The following TRAF2 variants were observed in gnomAD, a reference collection of about 807,000 sequenced individuals.
The protein encoded by TRAF2 is TNF receptor associated factor 2, also known as TNF receptor-associated factor 2.
A neutral mutation model predicts 55.6 loss-of-function variants in TRAF2; 6 were observed. That is an observed-to-expected ratio of 0.11 (90% CI 0.06 to 0.21). The LOEUF (loss-of-function observed/expected upper bound fraction) is 0.21, where lower values mean the gene tolerates loss of function less well. Ranked by LOEUF, TRAF2 falls within the 10% of genes least tolerant of loss-of-function variation. The pLI is 1.00. For synonymous variants in TRAF2, 329 were observed against 276.3 expected (o/e 1.19, Z -1.89); for missense variants, 561 against 684.5 (o/e 0.82, Z 2.01).
At chr9:136,913,933 T>G (rs1850181584) in intron 6 of TRAF2, among the ~76,000 whole-genome samples, 1 of 152,200 alleles carries the variant, frequency 6.6e-6, no homozygotes, top group South Asian at 2.1e-4. Flanking sequence ...CGGCGTATGT[T>G]GGGACCTGGT....
intron 5 of TRAF2, among the ~76,000 whole-genome samples, chr9:136,909,584 C>T (rs1032206428): frequency 6.6e-6 from 1 of 152,226 alleles, no homozygotes; most frequent in Non-Finnish European, 1.5e-5. Flanking sequence ...TGCCCATCCG[C>T]CAGGCCCTCC....
intron 1 of TRAF2, among the ~76,000 whole-genome samples, chr9:136,890,940 G>T (rs938848207): frequency 2.0e-4 from 31 of 152,108 alleles, no homozygotes; most frequent in African/African-American, 7.2e-4. Context: ...TGTGAACCTC[G>T]GCTCACTGCA....
intron 1 of TRAF2, among the ~76,000 whole-genome samples, chr9:136,897,466 G>A (rs902007589): frequency 1.4e-4 from 22 of 151,956 alleles, no homozygotes; most frequent in African/African-American, 5.1e-4. Flanking sequence ...ACCCGTGGTA[G>A]CTAAAGGGAA....
intron 1 of TRAF2, 145 bp downstream of exon 1, chr9:136,886,686 G>A (rs1588413181): frequency 2.2e-6 from 1 of 450,868 alleles, no homozygotes; most frequent in East Asian, 1.6e-4. Flanking sequence ...AGGCCGCGGG[G>A]CGGGGGCGGG....
At chr9:136,898,524 G>T (rs759876888) in intron 1 of TRAF2, 189 bp from the exon 2 acceptor site, 6 of 944,984 alleles carry the variant, frequency 6.3e-6, no homozygotes, top group Admixed American at 1.2e-4. Context: ...CCATACTAGC[G>T]GCGGGAGATG....
intron 2 of TRAF2, among the ~76,000 whole-genome samples, 165 bp downstream of exon 2, chr9:136,899,093 T>C (rs1349029879): frequency 6.6e-6 from 1 of 152,256 alleles, no homozygotes; most frequent in South Asian, 2.1e-4. Context: ...AATGTAAAAT[T>C]AATAATTTTA....
Position 136,898,867 on chromosome 9 carries a change from A to G in TRAF2, c.127A>G (p.Arg43Gly), listed in dbSNP as rs779437717. 1 of 1,613,236 alleles carries G rather than the reference A, an allele frequency of 6.2e-7. No homozygotes were observed. The highest frequency in any genetic ancestry group is 1.1e-5 in the South Asian group (1 of 91,022). ...LCSACRNVLRRPFQAQCGHRY... is the reference protein window; with the variant it reads ...LCSACRNVLRGPFQAQCGHRY... ...CTCCGCCTGCAGAAACGTCCTCCGC[A>G]GGCCCTTCCAGGCGCAGTGTGGCCA... Residue 43 changes from arginine to glycine, a missense_variant, in exon 2 of 11, where the codon AGG becomes GGG. By Grantham distance (125) the Arg-to-Gly change is moderately radical. Coordinates refer to ENST00000247668, the MANE Select transcript of TRAF2 (RefSeq NM_021138.4).
chr9:136,889,314 G>A (rs1202907556), intron 1 of TRAF2, among the ~76,000 whole-genome samples: 1 of 142,658 alleles, frequency 7.0e-6, no homozygotes, highest in African/African-American at 2.6e-5. Context: ...ACAGAGTTTC[G>A]CTCTTGTTGC....
At chr9:136,897,279 G>T (rs1457566436) in intron 1 of TRAF2, among the ~76,000 whole-genome samples, 1 of 140,772 alleles carries the variant, frequency 7.1e-6, no homozygotes, top group Non-Finnish European at 1.5e-5. Flanking sequence ...GAGTGGCTGA[G>T]GCCATCACTG....
chr9:136,918,140 TCTG>T (rs964726397), intron 7 of TRAF2, among the ~76,000 whole-genome samples: 4 of 151,420 alleles, frequency 2.6e-5, no homozygotes, highest in African/African-American at 9.7e-5. Flanking sequence ...TGAGTGCCCT[TCTG>T]CTCTCTGGGT....
chr9:136,899,077 A>G (rs1849754327), intron 2 of TRAF2, 149 bp downstream of exon 2: 2 of 792,838 alleles, frequency 2.5e-6, no homozygotes, highest in African/African-American at 1.7e-5. Flanking sequence ...GAGGTTTACC[A>G]CAAAGAATGT....
intron 6 of TRAF2, among the ~76,000 whole-genome samples, chr9:136,911,440 T>C (rs1163550904): frequency 2.0e-5 from 3 of 152,042 alleles, no homozygotes; most frequent in Non-Finnish European, 2.9e-5. Context: ...AATTTTGTAT[T>C]TTCAGTAGAG....
intron 1 of TRAF2, among the ~76,000 whole-genome samples, chr9:136,897,780 C>G: frequency 6.9e-6 from 1 of 145,104 alleles, no homozygotes; most frequent in African/African-American, 2.6e-5. Context: ...AGTGCACTAG[C>G]CAGCTCCAGG....
At chr9:136,914,803 G>C (rs1414743714) in intron 6 of TRAF2, among the ~76,000 whole-genome samples, 1 of 152,052 alleles carries the variant, frequency 6.6e-6, no homozygotes, top group Non-Finnish European at 1.5e-5. Context: ...ATTCGAAGCA[G>C]CGTCTCTGGG....
At chr9:136,910,172 G>T in intron 6 of TRAF2, 178 bp downstream of exon 6, 4 of 668,352 alleles carry the variant, frequency 6.0e-6, no homozygotes, top group South Asian at 5.3e-5. Context: ...CTCCTGAGTG[G>T]GCCGGGGGCC....
chr9:136,904,375 A>G (rs1297173200), intron 4 of TRAF2, among the ~76,000 whole-genome samples: 2 of 151,972 alleles, frequency 1.3e-5, no homozygotes, highest in African/African-American at 4.8e-5. Flanking sequence ...CGGCCATTTT[A>G]CTATGTTTTA....
At chr9:136,899,055 C>T (rs528731516) in intron 2 of TRAF2, 127 bp downstream of exon 2, 1 of 914,754 alleles carries the variant, frequency 1.1e-6, no homozygotes, top group East Asian at 2.7e-5. Context: ...TATCGATACT[C>T]CCTGGATTTC....
chr9:136,925,685 G>A lies in TRAF2; in HGVS notation c.1290G>A (p.Val430=). The change falls in exon 11 of 11, where the codon GTG becomes GTA. Residue 430 remains valine, a splice_region_variant and synonymous_variant. Coordinates refer to ENST00000247668, the MANE Select transcript of TRAF2 (RefSeq NM_021138.4). ...CTCCCTGGGGCTCTCTCCTCCAGGT[G>A]ACCTTAATGCTGCTCGACCAGAATA... ...ALLRWPFNQK[V]TLMLLDQNNR... 1 of 1,613,954 alleles carries A rather than the reference G, an allele frequency of 6.2e-7. No individual in the cohort carries two copies. The highest frequency in any genetic ancestry group is 1.1e-5 in the South Asian group (1 of 91,062).
chr9:136,902,875 T>G (rs539672469), intron 4 of TRAF2, among the ~76,000 whole-genome samples: 1 of 152,194 alleles, frequency 6.6e-6, no homozygotes, highest in South Asian at 2.1e-4. Context: ...TCCTTGATGG[T>G]CGGAACTTTA....
Sources: allele counts gnomAD v4.1 joint callset (sites outside exome capture counted in the v4.1 genomes callset), GRCh38; gene constraint gnomAD v4.1.1; transcripts MANE v1.5; gene names NCBI Gene and HGNC (gene_info 2026-07-23, HGNC 2026-07-21).